ST3GAL4: variants seen among roughly 807,000 people sequenced by gnomAD.
ST3GAL4 encodes the protein CMP-N-acetylneuraminate-beta-galactosamide-alpha-2,3-sialyltransferase 4.
A neutral mutation model predicts 42.6 loss-of-function variants in ST3GAL4; 24 were observed. The observed-to-expected ratio is 0.56, with a 90% confidence interval of 0.41 to 0.79. ST3GAL4 has a LOEUF of 0.79. Among genes scored for constraint, ST3GAL4 ranks in the 30% least tolerant of loss-of-function variants. The pLI, the probability that ST3GAL4 is intolerant of heterozygous loss-of-function variation, is 0.00. For missense variants in ST3GAL4, 311 were observed against 430.8 expected (o/e 0.72, Z 2.46); for synonymous variants, 135 against 163.2 (o/e 0.83, Z 1.32).
rs1266093483 is a variant in ST3GAL4, at chr11:126,392,847, T to C, written c.-60-13249T>C. Among the ~76,000 whole-genome samples the C allele has an allele frequency of 1.3e-5, 2 of 151,970 alleles. No individual in the cohort carries two copies. The highest frequency in any genetic ancestry group is 6.6e-5 in the Admixed American group (1 of 15,252). ...TCTGGACTGGGTGGTCTGAACCCCATGCAGGGAGGAAACTGTGGCTGGGAG... is the reference window on the plus strand; with the variant it reads ...TCTGGACTGGGTGGTCTGAACCCCACGCAGGGAGGAAACTGTGGCTGGGAG... On this transcript the variant is annotated intron_variant, in intron 1 of 10. Coordinates refer to ENST00000444328, the MANE Select transcript of ST3GAL4 (RefSeq NM_001254757.2). This position sits in a 1 kb window ranked among gnomAD's most constrained non-coding sequence, Gnocchi z 5.8.
intron 10 of ST3GAL4, 103 bp downstream of exon 10, chr11:126,413,751 C>T: frequency 1.3e-6 from 2 of 1,542,422 alleles, no homozygotes; most frequent in South Asian, 1.2e-5. Flanking sequence ...AGAGGTGGCT[C>T]CCGCAGTCAG....
At position 126,406,889 on chromosome 11, in the gene ST3GAL4, A is replaced by G. The variant is rs372872474; in HGVS notation, c.102-54A>G. The G allele has an allele frequency of 4.0e-6, 6 of 1,512,956 alleles. 1 individual carries two copies. Among genetic ancestry groups the G allele is most frequent in the South Asian group, 2.3e-5 (2 of 88,778 alleles). The allele number at this position is 1,512,956 out of a possible 1,614,324, so 93.7% of individuals were successfully genotyped here. On this transcript the variant is annotated intron_variant, in intron 3 of 10. Transcript: ENST00000444328. The surrounding 1 kb of genome is among the most constrained non-coding windows in gnomAD (Gnocchi z 5.4). The stretch of plus-strand genomic sequence containing the variant: ...GGAGAAGGCTTAGGCTGCCTGGAAC[A>G]TGGGTCCCTGGGTCTGACTGGGGCT...
rs146880704 is a variant in ST3GAL4 at position 126,393,486 on chromosome 11, C to T, written c.-60-12610C>T. 1.1e-3 allele frequency among the ~76,000 whole-genome samples: 164 copies of T among 152,166 alleles called. No individual in the cohort carries two copies. Among genetic ancestry groups the T allele is most frequent in the African/African-American group, 3.8e-3 (158 of 41,504 alleles). The stretch of plus-strand genomic sequence containing the variant: ...TGGCTCAGGAGGAGGGGGATGGGGA[C>T]GGGGAGAGTGAGGTCTTTTTGACTT... On this transcript the variant is annotated intron_variant, in intron 1 of 10. Coordinates refer to ENST00000444328, the MANE Select transcript of ST3GAL4 (RefSeq NM_001254757.2). The surrounding 1 kb of genome is among the most constrained non-coding windows in gnomAD (Gnocchi z 5.9).
rs1485396026 is a variant in ST3GAL4 at position 126,378,467 on chromosome 11, G to A, written c.-61+22625G>A. The stretch of plus-strand genomic sequence containing the variant: ...CTGTGTCACTCAGGCTGGAGTCAGT[G>A]GTGCAATCTTGGCTCACTGCAACCT... On this transcript the variant is annotated intron_variant, in intron 1 of 10. Coordinates refer to ENST00000444328, the MANE Select transcript of ST3GAL4 (RefSeq NM_001254757.2). This position sits in a 1 kb window ranked among gnomAD's most constrained non-coding sequence, Gnocchi z 5.3. Among the ~76,000 whole-genome samples, 1 of 152,166 alleles carries A rather than the reference G, an allele frequency of 6.6e-6. No individual in the cohort carries two copies. The highest frequency in any genetic ancestry group is 1.5e-5 in the Non-Finnish European group (1 of 68,022).
intron 1 of ST3GAL4, among the ~76,000 whole-genome samples, chr11:126,375,787 C>T (rs1952814312): frequency 6.6e-6 from 1 of 151,662 alleles, no homozygotes. Context: ...CCACAATACA[C>T]AGGACAGACC....
At chr11:126,367,456 T>A (rs1389721666) in intron 1 of ST3GAL4, among the ~76,000 whole-genome samples, 1 of 152,130 alleles carries the variant, frequency 6.6e-6, no homozygotes, top group Non-Finnish European at 1.5e-5. Flanking sequence ...CTCTCTTTGC[T>A]GGGCTGGGGC....
Position 126,397,286 on chromosome 11 carries a change from G to C in ST3GAL4, c.-60-8810G>C, listed in dbSNP as rs1252663604. On this transcript the variant is annotated intron_variant, in intron 1 of 10. Transcript: ENST00000444328. This position sits in a 1 kb window ranked among gnomAD's most constrained non-coding sequence, Gnocchi z 5.0. ...CCACAGAGGTCATTTAGGCAAGCTA[G>C]GAAAGCACAGAATGATATAACACAA... is the stretch of plus-strand genomic sequence containing the variant. 6.6e-6 allele frequency among the ~76,000 whole-genome samples: 1 copy of C among 152,058 alleles called. No individual in the cohort carries two copies. Among genetic ancestry groups the C allele is most frequent in the Non-Finnish European group, 1.5e-5 (1 of 68,028 alleles).
In ST3GAL4 at chr11:126,383,277, G is replaced by A. The variant is rs2135449481; in HGVS notation, c.-60-22819G>A. Among the ~76,000 whole-genome samples, 1 of 152,322 alleles carries A rather than the reference G, an allele frequency of 6.6e-6. No individual in the cohort carries two copies. Among genetic ancestry groups the A allele is most frequent in the South Asian group, 2.1e-4 (1 of 4,828 alleles). ...GGATTCCCCTTTCCGTGACTTTGGA[G>A]GAACGAGGTTCCTGAGGGCTGGCAC... On this transcript the variant is annotated intron_variant, in intron 1 of 10. Transcript: ENST00000444328. This position sits in a 1 kb window ranked among gnomAD's most constrained non-coding sequence, Gnocchi z 4.5.
At chr11:126,362,255 T>C (rs1952268102) in intron 1 of ST3GAL4, among the ~76,000 whole-genome samples, 1 of 148,248 alleles carries the variant, frequency 6.7e-6, no homozygotes, top group Non-Finnish European at 1.5e-5. Context: ...TGGAGTGCAG[T>C]GGCACAATCT....
intron 1 of ST3GAL4, among the ~76,000 whole-genome samples, chr11:126,361,944 C>T (rs1009020914): frequency 2.0e-4 from 30 of 149,920 alleles, no homozygotes; most frequent in African/African-American, 7.4e-5. Flanking sequence ...TGCAGTGGTG[C>T]GATCTCGGCT....
Position 126,406,076 on chromosome 11 carries a change from C to T in ST3GAL4, c.-60-20C>T. 1 of 1,551,492 alleles carries T rather than the reference C, an allele frequency of 6.4e-7. No homozygotes were observed. The highest frequency in any genetic ancestry group is 8.7e-7 in the Non-Finnish European group (1 of 1,146,970). ...AGAGTTTGTGAAGCTGACCGGACACCTGTGGCTCTTATTTCCTAGGTGGCC... is the reference window on the plus strand; with the variant it reads ...AGAGTTTGTGAAGCTGACCGGACACTTGTGGCTCTTATTTCCTAGGTGGCC... On this transcript the variant is annotated intron_variant, in intron 1 of 10. Transcript: ENST00000444328. The surrounding 1 kb of genome is among the most constrained non-coding windows in gnomAD (Gnocchi z 5.4).
chr11:126,399,686 C>T (rs961924718), intron 1 of ST3GAL4, among the ~76,000 whole-genome samples: 1 of 152,112 alleles, frequency 6.6e-6, no homozygotes, highest in African/African-American at 2.4e-5. Flanking sequence ...ATAAGTCATA[C>T]AGCAACCAAA....
At chr11:126,362,655 AGGTG>A (rs1952285569) in intron 1 of ST3GAL4, among the ~76,000 whole-genome samples, 2 of 152,154 alleles carry the variant, frequency 1.3e-5, no homozygotes, top group South Asian at 4.1e-4. Context: ...GAAGAGGGGC[AGGTG>A]GCTCACTAGG....
At chr11:126,407,170 ATAT>A (rs1954275346) in intron 4 of ST3GAL4, 79 bp from the exon 5 acceptor site, 3 of 1,522,968 alleles carry the variant, frequency 2.0e-6, no homozygotes, top group African/African-American at 2.7e-5. Context: ...AGGCCTTATA[ATAT>A]TAGTCATGGG....
At chr11:126,369,799 C>T (rs770965184) in intron 1 of ST3GAL4, among the ~76,000 whole-genome samples, 1 of 152,188 alleles carries the variant, frequency 6.6e-6, no homozygotes, top group Non-Finnish European at 1.5e-5. Context: ...CACTCTCCCA[C>T]CCGCCCTCTT....
chr11:126,405,663 C>G (rs1481786139), intron 1 of ST3GAL4: 1 of 205,522 alleles, frequency 4.9e-6, no homozygotes, highest in Non-Finnish European at 1.0e-5. Context: ...AATAGGTGAC[C>G]CTCTGTTGGG....
chr11:126,380,621 AAG>A (rs1383869203), intron 1 of ST3GAL4, among the ~76,000 whole-genome samples: 1 of 152,190 alleles, frequency 6.6e-6, no homozygotes, highest in Non-Finnish European at 1.5e-5. Context: ...GCCTTTCCAG[AAG>A]AGAGAGTGAT....
rs1392313834 is a variant in ST3GAL4, at chr11:126,375,345, C to T, written c.-61+19503C>T. On this transcript the variant is annotated intron_variant, in intron 1 of 10. Coordinates refer to ENST00000444328, the MANE Select transcript of ST3GAL4 (RefSeq NM_001254757.2). ...GCTTGACAGGCTCTTCGTCACTGTG[C>T]GGAGCCTTCGAAGGACTTGGATGTG... Among the ~76,000 whole-genome samples the T allele has an allele frequency of 6.6e-5, 10 of 152,144 alleles. No homozygotes were observed. In the South Asian group the frequency reaches 1.0e-3, roughly 16 times the overall value.
intron 1 of ST3GAL4, among the ~76,000 whole-genome samples, chr11:126,362,589 C>T (rs1483681536): frequency 6.6e-6 from 1 of 152,160 alleles, no homozygotes; most frequent in Admixed American, 6.5e-5. Flanking sequence ...GTGTGCTTTT[C>T]TGGGATTCCA....
Sources: gnomAD v4.1 joint callset for allele counts (sites outside exome capture counted in the v4.1 genomes callset) on GRCh38, gnomAD v4.1.1 for gene constraint, Gnocchi (gnomAD v3.1) non-coding constraint, MANE v1.5 for transcripts, NCBI Gene and HGNC (gene_info 2026-07-23, HGNC 2026-07-21) for gene names.